The following RBMS3 variants were observed in gnomAD, a reference collection of about 807,000 sequenced individuals.
The protein encoded by RBMS3 is RNA binding motif single stranded interacting protein 3, also known as RNA-binding motif, single-stranded-interacting protein 3.
Under a neutral mutation model 66.8 loss-of-function variants are expected in RBMS3, and 27 were observed. The observed-to-expected ratio is 0.40, with a 90% CI of 0.30 to 0.56. The LOEUF (loss-of-function observed/expected upper bound fraction) is 0.56, where lower values mean the gene tolerates loss of function less well. RBMS3 is among the 20% of genes least tolerant of loss of function. RBMS3 has a pLI of 0.40. For missense variants in RBMS3, 513 were observed against 549.5 expected, an observed-to-expected ratio of 0.93 and a Z score of 0.66; for synonymous variants, 188 against 183.0, an observed-to-expected ratio of 1.03 and a Z score of -0.22.
At chr3:29,592,555 T>G (rs1317344322) in intron 4 of RBMS3, among the ~76,000 whole-genome samples, 1 of 152,190 alleles carries the variant, frequency 6.6e-6, no homozygotes, top group Non-Finnish European at 1.5e-5. Flanking sequence ...TTTACACTGT[T>G]GGTGAGACTG....
intron 4 of RBMS3, among the ~76,000 whole-genome samples, chr3:29,630,505 A>G (rs2049245734): frequency 6.6e-6 from 1 of 151,968 alleles, no homozygotes; most frequent in African/African-American, 2.4e-5. Flanking sequence ...ATTCTTGTTG[A>G]TTGCCACAAA....
chr3:29,891,188 C>A (rs934874283), intron 8 of RBMS3, among the ~76,000 whole-genome samples: 17 of 151,514 alleles, frequency 1.1e-4, no homozygotes, highest in African/African-American at 2.9e-4. Context: ...AAACATGACA[C>A]TGAAATAAAG....
intron 2 of RBMS3, among the ~76,000 whole-genome samples, chr3:29,477,235 C>T (rs1465662108): frequency 6.6e-6 from 1 of 152,140 alleles, no homozygotes; most frequent in Non-Finnish European, 1.5e-5. Context: ...AGGAAATGTG[C>T]TCAATATAAT....
At chr3:29,955,647 A>T (rs1402427520) in intron 12 of RBMS3, among the ~76,000 whole-genome samples, 1 of 152,024 alleles carries the variant, frequency 6.6e-6, no homozygotes, top group East Asian at 1.9e-4. Flanking sequence ...CACTATAATA[A>T]ATAGACCTTG....
chr3:29,357,755 A>G (rs1448337098), intron 1 of RBMS3, among the ~76,000 whole-genome samples: 1 of 152,130 alleles, frequency 6.6e-6, no homozygotes, highest in Non-Finnish European at 1.5e-5. Flanking sequence ...TTGATGTGAG[A>G]TGATATCTCA....
At position 29,372,687 on chromosome 3, in the gene RBMS3, C is replaced by T. The variant is rs571655348; in HGVS notation, c.76-62056C>T. ...GTTATTCCTCTAATAATAAATGTCT[C>T]GGGGAGACAAAGCACATCTTTCTTG... On this transcript the variant is annotated intron_variant, in intron 1 of 14. Transcript: ENST00000383767. 2.0e-5 allele frequency among the ~76,000 whole-genome samples: 3 copies of T among 151,820 alleles called. No homozygotes were observed. In the East Asian group the frequency reaches 5.8e-4, roughly 29 times the overall value.
intron 10 of RBMS3, among the ~76,000 whole-genome samples, chr3:29,914,982 G>A (rs968423166): frequency 6.6e-6 from 1 of 151,740 alleles, no homozygotes; most frequent in Non-Finnish European, 1.5e-5. Flanking sequence ...TAAAAACCAA[G>A]AAAGCAATAA....
chr3:29,871,326 A>G (rs2059486660), intron 7 of RBMS3, among the ~76,000 whole-genome samples: 2 of 152,254 alleles, frequency 1.3e-5, no homozygotes, highest in Non-Finnish European at 2.9e-5. Context: ...CACTGGTTTC[A>G]TAAATAAAAG....
chr3:29,510,952 A>G (rs1360144093), intron 3 of RBMS3, among the ~76,000 whole-genome samples: 1 of 152,208 alleles, frequency 6.6e-6, no homozygotes, highest in Non-Finnish European at 1.5e-5. Flanking sequence ...CCTTTTGGTT[A>G]GTGATAAAGG....
intron 2 of RBMS3, among the ~76,000 whole-genome samples, chr3:29,435,832 G>A (rs4680835): frequency 0.46 from 69,069 of 151,774 alleles, 16,081 homozygotes; most frequent in African/African-American, 0.54. Context: ...AAAATTAGAC[G>A]GGCATGGTGG....
At chr3:29,713,468 C>A (rs978556750) in intron 4 of RBMS3, among the ~76,000 whole-genome samples, 3 of 152,036 alleles carry the variant, frequency 2.0e-5, no homozygotes, top group Admixed American at 6.6e-5. Flanking sequence ...GTGAGTATGC[C>A]ACTCACCTGG....
intron 12 of RBMS3, among the ~76,000 whole-genome samples, chr3:29,969,626 C>T (rs1157613259): frequency 6.6e-6 from 1 of 152,096 alleles, no homozygotes; most frequent in African/African-American, 2.4e-5. Context: ...GTTTTCCTTT[C>T]CAGTAGCTTA....
intron 5 of RBMS3, among the ~76,000 whole-genome samples, chr3:29,753,600 T>C (rs1003691735): frequency 6.6e-6 from 1 of 152,208 alleles, no homozygotes; most frequent in Non-Finnish European, 1.5e-5. Context: ...TGTCAGCCAT[T>C]GCACACACAA....
At chr3:29,659,616 T>C (rs1161764122) in intron 4 of RBMS3, among the ~76,000 whole-genome samples, 1 of 152,200 alleles carries the variant, frequency 6.6e-6, no homozygotes, top group Non-Finnish European at 1.5e-5. Flanking sequence ...ATTTCCCTTA[T>C]CCATTCATCA....
At chr3:29,902,960 C>G (rs115030635) in intron 10 of RBMS3, among the ~76,000 whole-genome samples, 4 of 151,782 alleles carry the variant, frequency 2.6e-5, no homozygotes, top group Admixed American at 2.6e-4. Flanking sequence ...AATGGGTAAA[C>G]TGGAGGGGCA....
chr3:29,671,502 T>G (rs1048395662), intron 4 of RBMS3, among the ~76,000 whole-genome samples: 4 of 152,160 alleles, frequency 2.6e-5, no homozygotes, highest in African/African-American at 9.7e-5. Flanking sequence ...AGCAGGATGT[T>G]CGAACCCATC....
At chr3:29,471,985 C>T (rs2042744415) in intron 2 of RBMS3, among the ~76,000 whole-genome samples, 1 of 152,000 alleles carries the variant, frequency 6.6e-6, no homozygotes, top group African/African-American at 2.4e-5. Flanking sequence ...CTATGTATCT[C>T]ATCCTCACTA....
chr3:29,819,681 A>G (rs182248315), intron 6 of RBMS3, among the ~76,000 whole-genome samples: 9 of 152,124 alleles, frequency 5.9e-5, no homozygotes, highest in African/African-American at 2.2e-4. Flanking sequence ...TTGTTCTTCA[A>G]CTTCTCTTTC....
intron 6 of RBMS3, among the ~76,000 whole-genome samples, chr3:29,799,669 A>C (rs1443472235): frequency 4.6e-5 from 7 of 152,328 alleles, no homozygotes; most frequent in Admixed American, 3.9e-4. Flanking sequence ...TGAATAATTC[A>C]TTTTAATACA....
Sources: allele counts gnomAD v4.1 joint callset (sites outside exome capture counted in the v4.1 genomes callset), GRCh38; gene constraint gnomAD v4.1.1; transcripts MANE v1.5; gene names NCBI Gene and HGNC (gene_info 2026-07-23, HGNC 2026-07-21).